The following CNTNAP5 variants were observed in gnomAD, a reference collection of about 807,000 sequenced individuals.
CNTNAP5 encodes contactin associated protein family member 5.
Under a neutral mutation model 150.2 loss-of-function variants are expected in CNTNAP5, and 72 were observed. That is an observed-to-expected ratio of 0.48 (90% CI 0.40 to 0.58). CNTNAP5 has a LOEUF of 0.58. Ranked by LOEUF, CNTNAP5 falls within the 20% of genes least tolerant of loss-of-function variation. The pLI is 0.00. For missense variants in CNTNAP5, 1,636 were observed against 1,626.2 expected (o/e 1.01, Z -0.10); for synonymous variants, 672 against 619.8 (o/e 1.08, Z -1.25).
intron 12 of CNTNAP5, among the ~76,000 whole-genome samples, chr2:124,635,771 C>A (rs1196799832): frequency 1.3e-5 from 2 of 152,142 alleles, no homozygotes; most frequent in African/African-American, 4.8e-5. Flanking sequence ...GGTCCTTGTT[C>A]TGGGAAGTAG....
chr2:124,353,363 C>T (rs77923966), intron 3 of CNTNAP5, among the ~76,000 whole-genome samples: 1 of 149,316 alleles, frequency 6.7e-6, no homozygotes, highest in East Asian at 2.0e-4. Flanking sequence ...AATCTAATGG[C>T]CCAAAACTGG....
At chr2:124,263,870 A>T (rs1018175914) in intron 3 of CNTNAP5, among the ~76,000 whole-genome samples, 2 of 151,722 alleles carry the variant, frequency 1.3e-5, no homozygotes, top group Non-Finnish European at 2.9e-5. Flanking sequence ...TACATATGGC[A>T]GCCAGTTTTC....
At chr2:124,779,087 C>T (rs79057126) in intron 17 of CNTNAP5, among the ~76,000 whole-genome samples, 3,513 of 152,276 alleles carry the variant, frequency 0.023, 133 homozygotes, top group African/African-American at 0.081. Flanking sequence ...GGTCTCCCTT[C>T]AAAGAAGGAC....
intron 13 of CNTNAP5, among the ~76,000 whole-genome samples, chr2:124,731,069 T>C (rs1332373464): frequency 6.6e-6 from 1 of 152,106 alleles, no homozygotes; most frequent in Non-Finnish European, 1.5e-5. Context: ...CACTTCCTAA[T>C]GGGTGTGATC....
At position 124,860,448 on chromosome 2, in the gene CNTNAP5, CTTCT is replaced by C. The variant is rs1426909990; in HGVS notation, c.3218-4854_3218-4851del. Among the ~76,000 whole-genome samples the C allele has an allele frequency of 2.6e-3, 188 of 72,804 alleles. 5 individuals are homozygous for C. Among genetic ancestry groups the C allele is most frequent in the African/African-American group, 5.5e-3 (46 of 8,316 alleles). 47.8% of individuals were successfully genotyped at this position (72,804 alleles called of 152,430 possible). A position where few individuals can be genotyped will look rare whatever the true frequency, so the allele number is the denominator to read the frequency against. On this transcript the variant is annotated intron_variant, in intron 19 of 23. Coordinates refer to ENST00000682447, the MANE Select transcript of CNTNAP5 (RefSeq NM_001367498.1). Reference sequence around the variant, plus strand: ...CCTTCCTTCCTTCCTTCCTTCCTTCCTTCTTTCCTTCCTTCCTTCCTTCCTTCCT... The same window carrying C: ...CCTTCCTTCCTTCCTTCCTTCCTTCCTTCCTTCCTTCCTTCCTTCCTTCCT...
At chr2:124,836,716 G>A (rs542372616) in intron 19 of CNTNAP5, among the ~76,000 whole-genome samples, 4 of 151,978 alleles carry the variant, frequency 2.6e-5, no homozygotes, top group Non-Finnish European at 5.9e-5. Flanking sequence ...CTACATCCAT[G>A]GGTAATATGC....
intron 13 of CNTNAP5, among the ~76,000 whole-genome samples, chr2:124,695,276 A>G (rs1679382799): frequency 1.3e-5 from 2 of 152,212 alleles, no homozygotes; most frequent in South Asian, 4.1e-4. Flanking sequence ...TACAATAGAT[A>G]TAAACAATCT....
intron 3 of CNTNAP5, among the ~76,000 whole-genome samples, chr2:124,346,916 C>CAAAAAAAAAA (rs35078281): frequency 3.7e-5 from 4 of 109,062 alleles, no homozygotes; most frequent in Admixed American, 1.1e-4. Context: ...ATTAAAAATA[C>CAAAAAAAAAA]AAAAAAAAAA....
intron 12 of CNTNAP5, among the ~76,000 whole-genome samples, chr2:124,620,785 A>T (rs1424525482): frequency 6.6e-6 from 1 of 151,664 alleles, no homozygotes; most frequent in Non-Finnish European, 1.5e-5. Flanking sequence ...ATATATATGC[A>T]AACTTTCTAG....
chr2:124,512,423 G>T (rs1052150303), intron 8 of CNTNAP5, among the ~76,000 whole-genome samples: 2 of 152,126 alleles, frequency 1.3e-5, no homozygotes, highest in African/African-American at 4.8e-5. Flanking sequence ...CCCTGGCGCT[G>T]GCACCACTTG....
intron 10 of CNTNAP5, among the ~76,000 whole-genome samples, chr2:124,549,713 G>A (rs1415067330): frequency 7.2e-5 from 11 of 152,148 alleles, no homozygotes; most frequent in African/African-American, 2.7e-4. Context: ...TCAAAAGTAG[G>A]TATAATTGCT....
At chr2:124,347,323 CTCT>C (rs1160665909) in intron 3 of CNTNAP5, among the ~76,000 whole-genome samples, 1 of 152,104 alleles carries the variant, frequency 6.6e-6, no homozygotes, top group Non-Finnish European at 1.5e-5. Context: ...TCTTTCCTAC[CTCT>C]TCTTCACTGC....
intron 19 of CNTNAP5, among the ~76,000 whole-genome samples, chr2:124,844,518 T>C (rs964617856): frequency 2.0e-5 from 3 of 152,076 alleles, no homozygotes; most frequent in South Asian, 2.1e-4. Context: ...TCCATCTGAA[T>C]TTTAGGATTG....
chr2:124,338,760 G>T lies in CNTNAP5; in HGVS notation c.382-78683G>T, dbSNP rs141846011. ...AAAAAGTTAAAAAGTCCTTAGTTCT[G>T]AGGCAGCTTCTGAGACCTTCCTGTT... On this transcript the variant is annotated intron_variant, in intron 3 of 23. Transcript: ENST00000682447. 3.9e-5 allele frequency among the ~76,000 whole-genome samples: 6 copies of T among 152,194 alleles called. No homozygotes were observed. The East Asian group carries it at 1.2e-3, about 29-fold the overall frequency.
Position 124,604,973 on chromosome 2 carries a change from T to G in CNTNAP5, c.1757-4828T>G, listed in dbSNP as rs75062976. 5.0e-3 allele frequency among the ~76,000 whole-genome samples: 762 copies of G among 152,252 alleles called. 5 individuals are homozygous for G. Among genetic ancestry groups the G allele is most frequent in the African/African-American group, 0.018 (727 of 41,534 alleles). On this transcript the variant is annotated intron_variant, in intron 11 of 23. Coordinates refer to ENST00000682447, the MANE Select transcript of CNTNAP5 (RefSeq NM_001367498.1). Reference sequence around the variant, plus strand: ...ATCCATTTCATTTAGCTTCTTGGGATTTTTTTCTGAGAATTTTGGATGCCT... The same window carrying G: ...ATCCATTTCATTTAGCTTCTTGGGAGTTTTTTCTGAGAATTTTGGATGCCT...
intron 10 of CNTNAP5, among the ~76,000 whole-genome samples, chr2:124,536,503 C>T (rs1003519106): frequency 3.9e-5 from 6 of 152,088 alleles, no homozygotes; most frequent in Admixed American, 2.0e-4. Flanking sequence ...AGAACCACCA[C>T]GTTGTTCGGT....
At chr2:124,334,014 C>T (rs1689412412) in intron 3 of CNTNAP5, among the ~76,000 whole-genome samples, 1 of 152,046 alleles carries the variant, frequency 6.6e-6, no homozygotes, top group East Asian at 1.9e-4. Context: ...CTTGGTACTC[C>T]TAAAAACCCA....
intron 19 of CNTNAP5, among the ~76,000 whole-genome samples, chr2:124,812,659 T>C (rs1682262549): frequency 6.6e-6 from 1 of 152,208 alleles, no homozygotes; most frequent in Non-Finnish European, 1.5e-5. Flanking sequence ...TTTCTATTGA[T>C]ATTAACTCTT....
At chr2:124,185,297 G>A (rs1685308528) in intron 1 of CNTNAP5, among the ~76,000 whole-genome samples, 1 of 152,148 alleles carries the variant, frequency 6.6e-6, no homozygotes, top group South Asian at 2.1e-4. Context: ...GTTTTGGCTT[G>A]TGAACTCATA....
Sources: allele counts gnomAD v4.1 joint callset (sites outside exome capture counted in the v4.1 genomes callset), GRCh38; gene constraint gnomAD v4.1.1; transcripts MANE v1.5; gene names NCBI Gene and HGNC (gene_info 2026-07-23, HGNC 2026-07-21).